ADAM22: variants seen among roughly 807,000 people sequenced by gnomAD.
The protein encoded by ADAM22 is ADAM metallopeptidase domain 22.
A neutral mutation model predicts 144.6 loss-of-function variants in ADAM22; 65 were observed. That is an observed-to-expected ratio of 0.45 (90% CI 0.37 to 0.55). The LOEUF is 0.55. Ranked by LOEUF, ADAM22 falls within the 20% of genes least tolerant of loss-of-function variation. The pLI is 0.00. For synonymous variants in ADAM22, 391 were observed against 412.6 expected (o/e 0.95, Z 0.63); for missense variants, 974 against 1,184.9 (o/e 0.82, Z 2.61).
chr7:88,173,148 T>A (rs1844762960), intron 26 of ADAM22, among the ~76,000 whole-genome samples: 1 of 152,034 alleles, frequency 6.6e-6, no homozygotes, highest in African/African-American at 2.4e-5. Flanking sequence ...AAATGATTAA[T>A]ATTGAAAAGT....
intron 3 of ADAM22, among the ~76,000 whole-genome samples, chr7:88,064,363 A>G (rs1167194017): frequency 6.6e-6 from 1 of 152,194 alleles, no homozygotes; most frequent in Non-Finnish European, 1.5e-5. Flanking sequence ...TATAACACTT[A>G]GTACTACTAA....
At chr7:87,961,937 G>A (rs1287636012) in intron 2 of ADAM22, among the ~76,000 whole-genome samples, 4 of 152,168 alleles carry the variant, frequency 2.6e-5, no homozygotes, top group East Asian at 3.8e-4. Flanking sequence ...CCTTACAAGT[G>A]AGGGAATGAA....
intron 24 of ADAM22, among the ~76,000 whole-genome samples, chr7:88,166,316 T>G (rs970322150): frequency 1.3e-5 from 2 of 152,158 alleles, no homozygotes; most frequent in Non-Finnish European, 2.9e-5. Context: ...AATTAAAGAA[T>G]TGGTTTTAAA....
Position 88,181,623 on chromosome 7 carries a change from G to A in ADAM22, c.2596+18G>A, listed in dbSNP as rs1393881993. ...TTGGCAAGGTAGAGGCTGGCATTCTGAATCTGTCTGTCCACATAATCAAGT... is the reference window on the plus strand; with the variant it reads ...TTGGCAAGGTAGAGGCTGGCATTCTAAATCTGTCTGTCCACATAATCAAGT... On this transcript the variant is annotated intron_variant, in intron 28 of 31. Coordinates refer to ENST00000413139, the MANE Select transcript of ADAM22 (RefSeq NM_001324418.2). 1.9e-6 allele frequency: 3 copies of A among 1,597,288 alleles called. No homozygotes were observed. Among genetic ancestry groups the A allele is most frequent in the Non-Finnish European group, 1.7e-6 (2 of 1,165,486 alleles).
chr7:87,993,272 C>G (rs1361259589), intron 3 of ADAM22, among the ~76,000 whole-genome samples: 3 of 152,154 alleles, frequency 2.0e-5, no homozygotes, highest in African/African-American at 7.2e-5. Context: ...CAGGTGCTCC[C>G]TTTATCAAAA....
chr7:88,179,073 T>C lies in ADAM22; in HGVS notation c.2439T>C (p.Ser813=), dbSNP rs1274975990. 1 of 1,539,774 alleles carries C rather than the reference T, an allele frequency of 6.5e-7. No homozygotes were observed. The highest frequency in any genetic ancestry group is 1.7e-5 in the Admixed American group (1 of 59,806). Residue 813 remains serine (S), a synonymous_variant, in exon 27 of 32, where the codon TCT becomes TCC. Transcript: ENST00000413139. The stretch of plus-strand genomic sequence containing the variant: ...CTTTTCTGTCGCATTTTCAGATTTC[T>C]ACCTGTTCCATCACACATTATTCCA... ...RSAFLSHFQI[S]TCSITHYSIS...
intron 3 of ADAM22, among the ~76,000 whole-genome samples, chr7:87,999,405 A>C (rs1792004536): frequency 9.1e-6 from 1 of 109,826 alleles, no homozygotes; most frequent in African/African-American, 3.4e-5. Context: ...CATGTGCTGG[A>C]ATCAAGAATC....
At chr7:87,998,148 T>A (rs927533858) in intron 3 of ADAM22, among the ~76,000 whole-genome samples, 5 of 152,104 alleles carry the variant, frequency 3.3e-5, no homozygotes, top group Non-Finnish European at 7.4e-5. Flanking sequence ...CCTTTCAGGT[T>A]CCACTGCTTG....
chr7:88,087,510 T>C (rs758832981), intron 4 of ADAM22, among the ~76,000 whole-genome samples: 2 of 152,188 alleles, frequency 1.3e-5, no homozygotes, highest in African/African-American at 2.4e-5. Context: ...AAGAGAGGAA[T>C]GTCAAATCCT....
intron 20 of ADAM22, among the ~76,000 whole-genome samples, 171 bp from the exon 21 acceptor site, chr7:88,153,050 T>C (rs1838910117): frequency 6.6e-6 from 1 of 152,180 alleles, no homozygotes; most frequent in Non-Finnish European, 1.5e-5. Context: ...ATCTGAGTCA[T>C]GGATATATAT....
At chr7:88,002,326 C>T (rs934348934) in intron 3 of ADAM22, among the ~76,000 whole-genome samples, 4 of 152,100 alleles carry the variant, frequency 2.6e-5, no homozygotes, top group South Asian at 2.1e-4. Context: ...GAACCAGCTT[C>T]GAGTGAATCA....
At chr7:88,001,515 T>C (rs181808247) in intron 3 of ADAM22, among the ~76,000 whole-genome samples, 1 of 152,308 alleles carries the variant, frequency 6.6e-6, no homozygotes, top group Admixed American at 6.5e-5. Flanking sequence ...AAAGCTAATA[T>C]TGAGGAATAA....
intron 3 of ADAM22, among the ~76,000 whole-genome samples, chr7:87,983,262 T>G (rs545013234): frequency 7.2e-5 from 11 of 152,286 alleles, no homozygotes; most frequent in Admixed American, 6.5e-4. Flanking sequence ...TTGGAAAAAA[T>G]AGACATTTTT....
intron 3 of ADAM22, among the ~76,000 whole-genome samples, chr7:88,075,395 C>T (rs2129480347): frequency 6.6e-6 from 1 of 152,174 alleles, no homozygotes; most frequent in East Asian, 1.9e-4. Context: ...CTGTGCTCAG[C>T]AATGGAGTGA....
chr7:88,144,652 C>CTATTAT (rs147910772), intron 15 of ADAM22, among the ~76,000 whole-genome samples: 2 of 151,670 alleles, frequency 1.3e-5, no homozygotes, highest in Non-Finnish European at 2.9e-5. Flanking sequence ...GGATGGACAA[C>CTATTAT]TATTATTATT....
chr7:87,999,446 C>A (rs968442736), intron 3 of ADAM22, among the ~76,000 whole-genome samples: 1 of 152,152 alleles, frequency 6.6e-6, no homozygotes, highest in African/African-American at 2.4e-5. Context: ...GGTCACATGG[C>A]TAGTTAGCAT....
At chr7:87,978,994 G>T (rs1852609565) in intron 3 of ADAM22, among the ~76,000 whole-genome samples, 2 of 152,126 alleles carry the variant, frequency 1.3e-5, no homozygotes, top group Admixed American at 1.3e-4. Context: ...TCTTGCATTT[G>T]GTCTAAGTGT....
At chr7:88,121,634 C>G (rs1239679994) in intron 7 of ADAM22, among the ~76,000 whole-genome samples, 1 of 152,094 alleles carries the variant, frequency 6.6e-6, no homozygotes, top group African/African-American at 2.4e-5. Context: ...CTCAGTACCT[C>G]ACCACATGGG....
intron 5 of ADAM22, among the ~76,000 whole-genome samples, chr7:88,109,328 C>A (rs1353475587): frequency 6.6e-6 from 1 of 152,286 alleles, no homozygotes; most frequent in South Asian, 2.1e-4. Context: ...ACATCCACTT[C>A]CTCCATCCTG....
Sources: gnomAD v4.1 joint callset for allele counts (sites outside exome capture counted in the v4.1 genomes callset) on GRCh38, gnomAD v4.1.1 for gene constraint, MANE v1.5 for transcripts, NCBI Gene and HGNC (gene_info 2026-07-23, HGNC 2026-07-21) for gene names.